CR1: variants seen among roughly 807,000 people sequenced by gnomAD.
CR1 encodes the protein complement receptor type 1.
Under a neutral mutation model 187.3 loss-of-function variants are expected in CR1, and 116 were observed. The observed-to-expected ratio is 0.62, with a 90% CI of 0.53 to 0.72. The LOEUF is 0.72. Among genes scored for constraint, CR1 ranks in the 30% least tolerant of loss-of-function variants. The pLI, the probability that CR1 is intolerant of heterozygous loss-of-function variation, is 0.00. For synonymous variants in CR1, 576 were observed against 747.1 expected (o/e 0.77, Z 3.73); for missense variants, 1,731 against 2,110.7 (o/e 0.82, Z 3.52).
In CR1 at chr1:207,618,190, G is replaced by A. The variant is rs61730889; in HGVS notation, c.7009G>A (p.Gly2337Ser). ...CCCCGGCTACCTGTTAGTGGGAAAG[G>A]GCTTCATTTTCTGTACAGACCAGGG... ...CDPGYLLVGK[G>S]FIFCTDQGIW... The change falls in exon 42 of 47, where the codon GGC becomes AGC. Residue 2337 changes from glycine (G) to serine (S), a missense_variant. This residue lies in a region of CR1 where 1,312 missense variants were observed against 1,379.6 expected (regional missense o/e 0.95). Coordinates refer to ENST00000367049, the MANE Select transcript of CR1 (RefSeq NM_000651.6). 2.9e-3 allele frequency: 4,713 copies of A among 1,613,750 alleles called. 142 individuals are homozygous for A. The African/African-American group carries it at 0.056, about 19-fold the overall frequency.
chr1:207,515,218 C>CAT (rs986496717), intron 4 of CR1, among the ~76,000 whole-genome samples: 2 of 130,374 alleles, frequency 1.5e-5, no homozygotes, highest in Non-Finnish European at 3.0e-5. Context: ...TAGGTATATA[C>CAT]ATATATATAC....
rs4844609 is a variant in CR1, at chr1:207,609,571, A to T, written c.6178A>T (p.Thr2060Ser). ...AGTACCAGGAAACAGGAGTTTCTTT[A>T]CCCTCACTGAGATCATCAGATTTAG... is the stretch of plus-strand genomic sequence containing the variant. ...IRVPGNRSFF[T>S]LTEIIRFRCQ... Residue 2060 changes from threonine (T) to serine (S), a missense_variant, in exon 37 of 47, where the codon ACC becomes TCC. Around this residue, in one of 5 missense-constraint regions of CR1, gnomAD observed 1,312 missense variants for 1,379.6 expected, o/e 0.95. Transcript: ENST00000367049. 0.98 allele frequency: 1,581,210 copies of T among 1,613,696 alleles called. 774,762 individuals carry two copies. Among genetic ancestry groups the T allele is most frequent in the East Asian group, 1 (44,873 of 44,874 alleles).
intron 1 of CR1, among the ~76,000 whole-genome samples, chr1:207,502,167 A>G (rs773312670): frequency 2.0e-5 from 3 of 152,240 alleles, no homozygotes; most frequent in Non-Finnish European, 4.4e-5. Context: ...TAGAGGTACA[A>G]AAAAACACAT....
intron 35 of CR1, among the ~76,000 whole-genome samples, chr1:207,603,075 T>G (rs1292899912): frequency 1.3e-5 from 2 of 152,126 alleles, no homozygotes; most frequent in Non-Finnish European, 2.9e-5. Flanking sequence ...GTATGCAAAT[T>G]TAATGTAATC....
intron 45 of CR1, among the ~76,000 whole-genome samples, 179 bp from the exon 46 acceptor site, chr1:207,630,338 T>G (rs1258941027): frequency 2.6e-5 from 4 of 152,228 alleles, no homozygotes; most frequent in African/African-American, 9.6e-5. Flanking sequence ...TAATCTAAGT[T>G]TTTGCTTAGT....
At chr1:207,585,521 G>T (rs186143369) in intron 33 of CR1, among the ~76,000 whole-genome samples, 52 of 152,314 alleles carry the variant, frequency 3.4e-4, no homozygotes, top group African/African-American at 1.2e-3. Flanking sequence ...AGGAGGGGAA[G>T]AAGTTGCCTG....
At chr1:207,586,040 A>G (rs1661101736) in intron 33 of CR1, among the ~76,000 whole-genome samples, 1 of 152,182 alleles carries the variant, frequency 6.6e-6, no homozygotes, top group Non-Finnish European at 1.5e-5. Context: ...AGCACACAAT[A>G]TACTCTCTCA....
intron 35 of CR1, among the ~76,000 whole-genome samples, chr1:207,593,470 A>G (rs2102362072): frequency 6.6e-6 from 1 of 152,384 alleles, no homozygotes; most frequent in East Asian, 1.9e-4. Context: ...AAGATGTATT[A>G]AAGACTTAAA....
In CR1 at chr1:207,580,568, T is replaced by C; in HGVS notation, c.5171T>C (p.Leu1724Pro). 3.7e-6 allele frequency: 6 copies of C among 1,613,736 alleles called. No homozygotes were observed. Among genetic ancestry groups the C allele is most frequent in the Non-Finnish European group, 4.2e-6 (5 of 1,179,834 alleles). ...QLPHGRVLFP[L>P]NLQLGAKVSF... ...CCTCATGGCCGTGTGCTATTTCCAC[T>C]TAATCTCCAGCTTGGGGCAAAGGTG... is the stretch of plus-strand genomic sequence containing the variant. Residue 1724 changes from leucine to proline, a missense_variant, in exon 31 of 47, where the codon CTT becomes CCT. This residue lies in a region of CR1 where 1,312 missense variants were observed against 1,379.6 expected (regional missense o/e 0.95). Coordinates refer to ENST00000367049, the MANE Select transcript of CR1 (RefSeq NM_000651.6).
intron 39 of CR1, among the ~76,000 whole-genome samples, chr1:207,614,060 G>A (rs1328254703): frequency 1.3e-5 from 2 of 152,176 alleles, no homozygotes; most frequent in Non-Finnish European, 2.9e-5. Context: ...ACACCTGAAG[G>A]TTATGGCTCT....
At chr1:207,591,650 A>G (rs1376885927) in intron 35 of CR1, among the ~76,000 whole-genome samples, 1 of 152,186 alleles carries the variant, frequency 6.6e-6, no homozygotes, top group African/African-American at 2.4e-5. Flanking sequence ...CAAAAAATCA[A>G]TGAATCCAGG....
intron 35 of CR1, among the ~76,000 whole-genome samples, chr1:207,589,185 A>G (rs1421764838): frequency 6.6e-6 from 1 of 152,200 alleles, no homozygotes; most frequent in African/African-American, 2.4e-5. Flanking sequence ...ATTAATTGTA[A>G]CAGCAGCTCT....
At chr1:207,596,561 C>T (rs938783199) in intron 35 of CR1, among the ~76,000 whole-genome samples, 6 of 151,936 alleles carry the variant, frequency 3.9e-5, no homozygotes, top group African/African-American at 1.5e-4. Context: ...TTGCAGTGAG[C>T]CGAGATGGTG....
rs377173402 is a variant in CR1, at chr1:207,575,701, C to T, written c.4537+21C>T. 8 of 1,611,788 alleles carry T rather than the reference C, an allele frequency of 5.0e-6. No homozygotes were observed. The East Asian group carries it at 6.7e-5, about 13-fold the overall frequency. Reference sequence around the variant, plus strand: ...TCAACGTGAGTTGAAATCTCTTTCCCCATTCACCCCACCATTGAATCCTAG... The same window carrying T: ...TCAACGTGAGTTGAAATCTCTTTCCTCATTCACCCCACCATTGAATCCTAG... On this transcript the variant is annotated intron_variant, in intron 28 of 46. Coordinates refer to ENST00000367049, the MANE Select transcript of CR1 (RefSeq NM_000651.6).
chr1:207,613,212 C>T (rs1017579937), intron 39 of CR1, among the ~76,000 whole-genome samples: 8 of 152,116 alleles, frequency 5.3e-5, no homozygotes, highest in East Asian at 1.9e-4. Context: ...AGCTTCTCAG[C>T]GGAGACGAGA....
intron 24 of CR1, among the ~76,000 whole-genome samples, chr1:207,566,471 A>G (rs1024501852): frequency 1.3e-5 from 2 of 150,252 alleles, no homozygotes; most frequent in Non-Finnish European, 1.5e-5. Context: ...AGTTATATCA[A>G]TGAACAAGAT....
intron 1 of CR1, among the ~76,000 whole-genome samples, chr1:207,499,385 T>C (rs1659195287): frequency 6.6e-6 from 1 of 152,038 alleles, no homozygotes; most frequent in African/African-American, 2.4e-5. Flanking sequence ...CAAGGAGAAA[T>C]AGATGGATTT....
intron 23 of CR1, 126 bp from the exon 24 acceptor site, chr1:207,565,712 G>C (rs1050862424): frequency 1.2e-5 from 15 of 1,258,172 alleles, no homozygotes; most frequent in Admixed American, 9.5e-5. Flanking sequence ...AAGGTAGCCT[G>C]TGCAACTCTG....
chr1:207,628,928 G>T (rs563789569), intron 45 of CR1, among the ~76,000 whole-genome samples: 58 of 152,242 alleles, frequency 3.8e-4, no homozygotes, highest in African/African-American at 1.1e-3. Flanking sequence ...TCCATATTGA[G>T]ATTTCCTGGC....
Sources: gnomAD v4.1 joint callset for allele counts (sites outside exome capture counted in the v4.1 genomes callset) on GRCh38, gnomAD v4.1.1 for gene constraint, gnomAD v4.1.1 regional missense constraint, MANE v1.5 for transcripts, NCBI Gene and HGNC (gene_info 2026-07-23, HGNC 2026-07-21) for gene names.